The following GSE1 variants were observed in gnomAD, a reference collection of about 807,000 sequenced individuals.
The protein encoded by GSE1 is Gse1 coiled-coil protein.
Under a neutral mutation model 112.6 loss-of-function variants are expected in GSE1, and 32 were observed. The ratio of observed to expected loss-of-function variants is 0.28; its 90% CI spans 0.21 to 0.38. The LOEUF is 0.38. Among genes scored for constraint, GSE1 ranks in the 10% least tolerant of loss-of-function variants. The pLI, the probability that GSE1 is intolerant of heterozygous loss-of-function variation, is 1.00. For missense variants in GSE1, 2,348 were observed against 1,699.2 expected, an observed-to-expected ratio of 1.38 and a Z score of -6.71; for synonymous variants, 1,115 against 735.6, an observed-to-expected ratio of 1.52 and a Z score of -8.35.
At chr16:85,669,843 C>G (rs1397571646) in intron 14 of GSE1, among the ~76,000 whole-genome samples, 3 of 152,204 alleles carry the variant, frequency 2.0e-5, no homozygotes, top group Non-Finnish European at 2.9e-5. Flanking sequence ...GTGGGGTGCC[C>G]TCTTCCCTGC....
rs746188223 is a variant in GSE1, at chr16:85,663,023, A to C, written c.2303A>C (p.Glu768Ala). The C allele has an allele frequency of 6.2e-7, 1 of 1,613,048 alleles. No individual in the cohort carries two copies. Among genetic ancestry groups the C allele is most frequent in the South Asian group, 1.1e-5 (1 of 91,072 alleles). The change falls in exon 10 of 16, where the codon GAG (glutamate) becomes GCG (alanine). Residue 768 changes from glutamate to alanine, a missense_variant. Glu to Ala is a moderately radical substitution (Grantham distance 107). Transcript: ENST00000253458. ...GATGACTCTTACGACGAGAGCGATG[A>C]GGAGGAGGTCAGGGCCCACCTCCGT... ...DLDDSYDESD[E>A]EEVRAHLRCV...
intron 2 of GSE1, among the ~76,000 whole-genome samples, chr16:85,388,828 C>T (rs1354804395): frequency 2.0e-5 from 3 of 152,270 alleles, no homozygotes; most frequent in African/African-American, 7.2e-5. Flanking sequence ...AGAAGTGGGG[C>T]AGCTGGTGGC....
chr16:85,497,789 G>A (rs2051229719), intron 2 of GSE1, among the ~76,000 whole-genome samples: 2 of 152,168 alleles, frequency 1.3e-5, no homozygotes, highest in African/African-American at 4.8e-5. Flanking sequence ...GGGTGGGGCA[G>A]ACTGCTTTTC....
At chr16:85,539,947 G>A (rs558402621) in intron 2 of GSE1, among the ~76,000 whole-genome samples, 10 of 152,306 alleles carry the variant, frequency 6.6e-5, no homozygotes, top group East Asian at 5.8e-4. Flanking sequence ...AGACTGTGCC[G>A]CTTCTCTTGT....
chr16:85,609,065 C>T (rs1433742120), upstream of GSE1, among the ~76,000 whole-genome samples: 5 of 152,208 alleles, frequency 3.3e-5, no homozygotes, highest in Non-Finnish European at 5.9e-5. Context: ...GTGACAGTCA[C>T]GGGTGGCGCC....
chr16:85,357,353 G>A (rs1197665963), intron 1 of GSE1: 19 of 673,694 alleles, frequency 2.8e-5, no homozygotes, highest in African/African-American at 3.9e-5. Flanking sequence ...TGATCACCAA[G>A]GCCAGGCCAT....
At chr16:85,394,839 G>A (rs1203144333) in intron 2 of GSE1, among the ~76,000 whole-genome samples, 7 of 152,108 alleles carry the variant, frequency 4.6e-5, no homozygotes, top group Admixed American at 2.0e-4. Context: ...GCCAGCCCTG[G>A]CTCCTTGGGC....
chr16:85,633,881 G>T lies in GSE1; in HGVS notation c.8-33G>T, dbSNP rs767473439. ...CTGGTGCTGGGCGCTCCTGCTCTCTGGGTGACCTCTGGTTCTTCTTTTCCT... is the reference window on the plus strand; with the variant it reads ...CTGGTGCTGGGCGCTCCTGCTCTCTTGGTGACCTCTGGTTCTTCTTTTCCT... On this transcript the variant is annotated intron_variant, in intron 1 of 15. Transcript: ENST00000253458. 10 of 1,563,366 alleles carry T rather than the reference G, an allele frequency of 6.4e-6. No homozygotes were observed. In the South Asian group the frequency reaches 1.0e-4, roughly 16 times the overall value.
At chr16:85,613,540 C>A in intron 1 of GSE1, 142 bp downstream of exon 1, 1 of 808,252 alleles carries the variant, frequency 1.2e-6, no homozygotes, top group Non-Finnish European at 1.9e-6. Context: ...GCGATAAGAG[C>A]CGGGAGGGCG....
At chr16:85,524,390 G>A (rs186918386) in intron 2 of GSE1, among the ~76,000 whole-genome samples, 2 of 152,242 alleles carry the variant, frequency 1.3e-5, no homozygotes, top group East Asian at 3.9e-4. Flanking sequence ...TAGTAATGGG[G>A]CTGCCTGCGA....
intron 1 of GSE1, among the ~76,000 whole-genome samples, chr16:85,219,252 G>A (rs1383623590): frequency 6.6e-6 from 1 of 152,212 alleles, no homozygotes; most frequent in Non-Finnish European, 1.5e-5. Flanking sequence ...GACCTCAGGT[G>A]ATCTGCCTGC....
intron 1 of GSE1, among the ~76,000 whole-genome samples, chr16:85,179,998 G>C (rs529531771): frequency 5.3e-5 from 8 of 152,206 alleles, no homozygotes; most frequent in Non-Finnish European, 7.3e-5. Context: ...TAACCATCTC[G>C]TCTTTCTACA....
At chr16:85,595,307 A>C (rs1179512986) in intron 1 of GSE1, 1 of 152,242 alleles carries the variant, frequency 6.6e-6, no homozygotes, top group Admixed American at 6.5e-5. Flanking sequence ...CCTCTGGAGA[A>C]ACTCAGGAAG....
rs550385232 is a variant in GSE1 at position 85,448,954 on chromosome 16, G to T, written c.2464+91311G>T. On this transcript the variant is annotated intron_variant, in intron 2 of 2. Transcript: ENST00000637419. Reference sequence around the variant, plus strand: ...CAATTGAGTCGAAAATCCAGGAGCTGTTTGCCTCTCCCCGCCCCTCCACCC... The same window carrying T: ...CAATTGAGTCGAAAATCCAGGAGCTTTTTGCCTCTCCCCGCCCCTCCACCC... Among the ~76,000 whole-genome samples, 6 of 152,272 alleles carry T rather than the reference G, an allele frequency of 3.9e-5. No homozygotes were observed. The South Asian group carries it at 6.2e-4, about 16-fold the overall frequency.
At chr16:85,538,325 C>T (rs764307444) in intron 2 of GSE1, among the ~76,000 whole-genome samples, 2 of 152,176 alleles carry the variant, frequency 1.3e-5, no homozygotes, top group African/African-American at 2.4e-5. Context: ...TGGGGAGAGA[C>T]GGAAGCTTTT....
intron 8 of GSE1, 87 bp from the exon 9 acceptor site, chr16:85,661,059 A>G: frequency 7.5e-7 from 1 of 1,329,878 alleles, no homozygotes; most frequent in South Asian, 1.4e-5. Flanking sequence ...CATCTGTGTC[A>G]TCTTAGGAGC....
chr16:85,432,077 C>T (rs761051997), intron 2 of GSE1, among the ~76,000 whole-genome samples: 2 of 152,228 alleles, frequency 1.3e-5, no homozygotes, highest in East Asian at 3.9e-4. Flanking sequence ...CCTCACCCCT[C>T]TTCCCCCATA....
chr16:85,445,761 T>A (rs1196426138), intron 2 of GSE1, among the ~76,000 whole-genome samples: 1 of 152,010 alleles, frequency 6.6e-6, no homozygotes, highest in Non-Finnish European at 1.5e-5. Context: ...GCCGCCCTGG[T>A]GGGTGGCTGG....
At chr16:85,627,043 C>CTTTTTTTTTTTTTTTTTTTTTTTT (rs1310553127) in intron 1 of GSE1, among the ~76,000 whole-genome samples, 1 of 28,672 alleles carries the variant, frequency 3.5e-5, no homozygotes, top group Admixed American at 3.8e-4. Context: ...TTTCTTCTTG[C>CTTTTTTTTTTTTTTTTTTTTTTTT]CTTTTTTTTT....
Sources: gnomAD v4.1 joint callset for allele counts (sites outside exome capture counted in the v4.1 genomes callset) on GRCh38, gnomAD v4.1.1 for gene constraint, MANE v1.5 for transcripts, NCBI Gene and HGNC (gene_info 2026-07-23, HGNC 2026-07-21) for gene names.